The following MTR variants were observed in gnomAD, a reference collection of about 807,000 sequenced individuals.
MTR encodes methionine synthase.
MTR carries 84 observed loss-of-function variants against 154.8 expected under a neutral mutation model. That is an observed-to-expected ratio of 0.54 (90% confidence interval 0.45 to 0.65). MTR has a LOEUF of 0.65. Among genes scored for constraint, MTR ranks in the 30% least tolerant of loss-of-function variants. MTR has a pLI of 0.00. For missense variants in MTR, 1,275 were observed against 1,570.2 expected (o/e 0.81, Z 3.18); for synonymous variants, 554 against 553.9 (o/e 1.00, Z 0.00).
At chr1:236,882,820 C>T (rs889243693) in intron 25 of MTR, among the ~76,000 whole-genome samples, 6 of 152,146 alleles carry the variant, frequency 3.9e-5, no homozygotes, top group African/African-American at 1.2e-4. Context: ...TAGCTCCTCC[C>T]GTGTACAAAG....
At chr1:236,805,318 G>T (rs79235167) in intron 2 of MTR, among the ~76,000 whole-genome samples, 3,790 of 152,138 alleles carry the variant, frequency 0.025, 82 homozygotes, top group Non-Finnish European at 0.042. Flanking sequence ...TGTTCAGAGA[G>T]ACTAGGAGAT....
chr1:236,885,156 A>C lies in MTR; in HGVS notation c.2712A>C (p.Glu904Asp). Residue 904 changes from glutamate to aspartate, a missense_variant, in exon 26 of 33, where the codon GAA becomes GAC. Physicochemically the swap from Glu to Asp is conservative, Grantham distance 45. Transcript: ENST00000366577. ...SQLLDENLKD[E>D]YFEEIMEEYE... is the part of the protein sequence containing the mutation. Reference sequence around the variant, plus strand: ...TGTTAGATGAAAATCTAAAGGATGAATACTTTGAGGAAATCATGGAAGAAT... The same window carrying C: ...TGTTAGATGAAAATCTAAAGGATGACTACTTTGAGGAAATCATGGAAGAAT... 3 of 1,610,388 alleles carry C rather than the reference A, an allele frequency of 1.9e-6. No homozygotes were observed. Among genetic ancestry groups the C allele is most frequent in the Non-Finnish European group, 2.5e-6 (3 of 1,176,598 alleles).
At chr1:236,817,460 A>G in intron 8 of MTR, among the ~76,000 whole-genome samples, 1 of 152,212 alleles carries the variant, frequency 6.6e-6, no homozygotes. Flanking sequence ...CATAAAAAGT[A>G]AGAGTAATAG....
intron 31 of MTR, 105 bp from the exon 32 acceptor site, chr1:236,896,901 G>T: frequency 1.2e-6 from 1 of 842,998 alleles, no homozygotes. Flanking sequence ...GCATGAGCTC[G>T]CTTTGGTTCA....
At chr1:236,827,331 C>T (rs1317024791) in intron 11 of MTR, among the ~76,000 whole-genome samples, 1 of 152,188 alleles carries the variant, frequency 6.6e-6, no homozygotes, top group Non-Finnish European at 1.5e-5. Flanking sequence ...TTTGTTATGG[C>T]AGCCCTTCCT....
At chr1:236,801,036 C>CA (rs1209890416) in intron 1 of MTR, among the ~76,000 whole-genome samples, 2 of 152,188 alleles carry the variant, frequency 1.3e-5, no homozygotes, top group African/African-American at 4.8e-5. Context: ...ATAGGATAGT[C>CA]ACATCATGGA....
chr1:236,820,485 A>G, intron 8 of MTR: 5 of 1,345,990 alleles, frequency 3.7e-6, no homozygotes, highest in Non-Finnish European at 5.2e-6. Flanking sequence ...TGCTCAGGCC[A>G]CTGAATAAGT....
intron 25 of MTR, among the ~76,000 whole-genome samples, chr1:236,882,102 A>G (rs1452110065): frequency 6.6e-6 from 1 of 152,232 alleles, no homozygotes; most frequent in Non-Finnish European, 1.5e-5. Flanking sequence ...ATTGATGTAG[A>G]CAAATATGCA....
In MTR at chr1:236,824,196, A is replaced by C. The variant is rs750383628; in HGVS notation, c.842A>C (p.Tyr281Ser). The C allele has an allele frequency of 6.2e-7, 1 of 1,614,004 alleles. No homozygotes were observed. Among genetic ancestry groups the C allele is most frequent in the Non-Finnish European group, 8.5e-7 (1 of 1,179,894 alleles). The change falls in exon 9 of 33, where the codon TAT (tyrosine) becomes TCT (serine). Residue 281 changes from tyrosine to serine, a missense_variant. Coordinates refer to ENST00000366577, the MANE Select transcript of MTR (RefSeq NM_000254.3). ...IEIIGKCTTA[Y>S]VLCYPNAGLP... is the part of the protein sequence containing the mutation. Reference sequence around the variant, plus strand: ...ATAATTGGAAAATGTACAACAGCCTATGTCCTCTGTTATCCCAATGCAGGT... The same window carrying C: ...ATAATTGGAAAATGTACAACAGCCTCTGTCCTCTGTTATCCCAATGCAGGT...
At position 236,844,811 on chromosome 1, in the gene MTR, A is replaced by G. The variant is rs146320986; in HGVS notation, c.1516-5533A>G. On this transcript the variant is annotated intron_variant, in intron 15 of 32. Transcript: ENST00000366577. ...GAAGCAAGGTCAACTCAGAGTGAGA[A>G]TGGAATGTTGTGCCTTAGGGATCTG... Among the ~76,000 whole-genome samples the G allele has an allele frequency of 1.3e-4, 20 of 152,296 alleles. No individual in the cohort carries two copies. In the East Asian group the frequency reaches 3.9e-3, roughly 29 times the overall value.
chr1:236,886,329 G>T lies in MTR; in HGVS notation c.2813G>T (p.Ser938Ile), dbSNP rs774910076. ...RYLPLSQARK[S>I]GFQMDWLSEP... ...TTACCCTTAAGTCAAGCCAGAAAAA[G>T]TGGTTTCCAAATGGATTGGCTGTCT... The change falls in exon 27 of 33, where the codon AGT becomes ATT. Residue 938 changes from serine to isoleucine, a missense_variant. Transcript: ENST00000366577. 58 of 1,614,062 alleles carry T rather than the reference G, an allele frequency of 3.6e-5. No homozygotes were observed. The Admixed American group carries it at 9.7e-4, about 27-fold the overall frequency.
chr1:236,886,228 T>C, intron 26 of MTR, 64 bp from the exon 27 acceptor site: 1 of 1,349,028 alleles, frequency 7.4e-7, no homozygotes, highest in East Asian at 2.3e-5. Context: ...TTCTTGGACA[T>C]GTTTTCACAG....
chr1:236,809,365 T>C (rs1661172202), intron 4 of MTR, among the ~76,000 whole-genome samples: 1 of 152,190 alleles, frequency 6.6e-6, no homozygotes, highest in Non-Finnish European at 1.5e-5. Context: ...ATCAGAACAC[T>C]TGGGCACCAG....
chr1:236,897,310 G>GCGCGCGCGCGCGCGCGCACACACACACA lies in MTR; in HGVS notation c.3711+193_3711+194insGCGCGCGCGCGCGCGCACACACACACAC. Among the ~76,000 whole-genome samples the GCGCGCGCGCGCGCGCGCACACACACACA allele has an allele frequency of 7.7e-3, 984 of 128,608 alleles. 5 individuals carry two copies. Among genetic ancestry groups the GCGCGCGCGCGCGCGCGCACACACACACA allele is most frequent in the Non-Finnish European group, 0.012 (706 of 58,102 alleles). 84.4% of individuals were successfully genotyped at this position (128,608 alleles called of 152,430 possible). ...ACTTCTACATGCAAGCCACACACAC[G>GCGCGCGCGCGCGCGCGCACACACACACA]CACACACACACACACACACACACAC... On this transcript the variant is annotated intron_variant, in intron 32 of 32. Transcript: ENST00000366577.
chr1:236,897,310 G>GCGCGCGCACACACACACACACACA, intron 32 of MTR, among the ~76,000 whole-genome samples, 192 bp downstream of exon 32: 7 of 128,608 alleles, frequency 5.4e-5, no homozygotes, highest in African/African-American at 8.3e-5. Context: ...CCACACACAC[G>GCGCGCGCACACACACACACACACA]CACACACACA....
Position 236,891,286 on chromosome 1 carries a change from A to T in MTR, c.3161A>T (p.Gln1054Leu). 6.2e-7 allele frequency: 1 copy of T among 1,614,134 alleles called. No homozygotes were observed. Among genetic ancestry groups the T allele is most frequent in the Non-Finnish European group, 8.5e-7 (1 of 1,180,014 alleles). ...IHLYAEAAVP[Q>L]AAEPIATFYG... Reference sequence around the variant, plus strand: ...CTGTACGCAGAGGCTGCTGTGCCCCAGGCTGCAGAGCCCATAGCCACCTTC... The same window carrying T: ...CTGTACGCAGAGGCTGCTGTGCCCCTGGCTGCAGAGCCCATAGCCACCTTC... The change falls in exon 29 of 33, where the codon CAG becomes CTG. Residue 1054 changes from glutamine to leucine, a missense_variant. Transcript: ENST00000366577.
intron 15 of MTR, among the ~76,000 whole-genome samples, chr1:236,840,294 G>A (rs943607203): frequency 1.4e-4 from 22 of 152,202 alleles, no homozygotes; most frequent in African/African-American, 5.3e-4. Flanking sequence ...CTTCTTCCAA[G>A]CATATAAACT....
intron 22 of MTR, among the ~76,000 whole-genome samples, chr1:236,868,174 T>A (rs1358326109): frequency 2.0e-5 from 3 of 152,220 alleles, no homozygotes; most frequent in Non-Finnish European, 4.4e-5. Context: ...CCCAAACTTC[T>A]GCAGCCACCA....
intron 22 of MTR, among the ~76,000 whole-genome samples, chr1:236,865,152 C>T (rs995738936): frequency 2.6e-5 from 4 of 152,172 alleles, no homozygotes; most frequent in African/African-American, 7.2e-5. Flanking sequence ...GTGAAGACTG[C>T]GTATTAAGCC....
Sources: allele counts gnomAD v4.1 joint callset (sites outside exome capture counted in the v4.1 genomes callset), GRCh38; gene constraint gnomAD v4.1.1; transcripts MANE v1.5; gene names NCBI Gene and HGNC (gene_info 2026-07-23, HGNC 2026-07-21).